CDH18: variants seen among roughly 807,000 people sequenced by gnomAD.
The protein encoded by CDH18 is cadherin-18.
Under a neutral mutation model 67.9 loss-of-function variants are expected in CDH18, and 31 were observed. The observed-to-expected ratio is 0.46, with a 90% CI of 0.34 to 0.62. The LOEUF is 0.62. CDH18 is among the 20% of genes least tolerant of loss of function. CDH18 has a pLI of 0.01. For missense variants in CDH18, 890 were observed against 975.5 expected (o/e 0.91, Z 1.17); for synonymous variants, 362 against 347.2 (o/e 1.04, Z -0.48).
chr5:19,982,926 C>A (rs1799196720), intron 1 of CDH18, among the ~76,000 whole-genome samples: 1 of 150,744 alleles, frequency 6.6e-6, no homozygotes, highest in African/African-American at 2.4e-5. Flanking sequence ...CACCTATAGT[C>A]CCAGATACTT....
intron 1 of CDH18, among the ~76,000 whole-genome samples, chr5:20,326,028 T>C (rs1252341166): frequency 6.6e-6 from 1 of 152,222 alleles, no homozygotes; most frequent in Non-Finnish European, 1.5e-5. Flanking sequence ...TGTTTAAATA[T>C]GCTCAGGCAC....
intron 3 of CDH18, among the ~76,000 whole-genome samples, chr5:19,762,827 A>G (rs1270064603): frequency 6.6e-6 from 1 of 152,216 alleles, no homozygotes; most frequent in Non-Finnish European, 1.5e-5. Flanking sequence ...TATTCACAAT[A>G]GCAAAGACTT....
chr5:19,671,912 C>A (rs189716441), intron 5 of CDH18, among the ~76,000 whole-genome samples: 2 of 152,062 alleles, frequency 1.3e-5, no homozygotes, highest in African/African-American at 4.8e-5. Flanking sequence ...AAGATAGTCA[C>A]CACCAGTGAT....
In CDH18 at chr5:19,880,972, C is replaced by A. The variant is rs148769120; in HGVS notation, c.-256-41730G>T. Among the ~76,000 whole-genome samples the A allele has an allele frequency of 3.4e-3, 515 of 152,210 alleles. 6 individuals carry two copies. The highest frequency in any genetic ancestry group is 0.012 in the African/African-American group (500 of 41,536). ...TGCAAACAATTTCTATTTACTCTTA[C>A]TTAGCATGAAGCCTATAGCCCTGCA... On this transcript the variant is annotated intron_variant, in intron 2 of 12. Transcript: ENST00000382275.
In CDH18 at chr5:19,473,233, G is replaced by T; in HGVS notation, c.2366C>A (p.Thr789Lys). ...ELYGEIESER[T>K]T is the part of the protein sequence containing the mutation. Reference sequence around the variant, plus strand: ...GTTGCAAGAACTGACCCCCTAAGTTGTTCTTTCAGATTCTATTTCTCCATA... The same window carrying T: ...GTTGCAAGAACTGACCCCCTAAGTTTTTCTTTCAGATTCTATTTCTCCATA... The change falls in exon 13 of 13, where the codon ACA becomes AAA. Residue 789 changes from threonine to lysine, a missense_variant. Physicochemically the swap from Thr to Lys is moderately conservative, Grantham distance 78. Transcript: ENST00000382275. The T allele has an allele frequency of 6.2e-7, 1 of 1,612,744 alleles. No individual in the cohort carries two copies. The highest frequency in any genetic ancestry group is 8.5e-7 in the Non-Finnish European group (1 of 1,179,170).
intron 5 of CDH18, among the ~76,000 whole-genome samples, chr5:19,713,636 A>G (rs77715154): frequency 0.044 from 6,655 of 152,178 alleles, 474 homozygotes; most frequent in African/African-American, 0.15. Context: ...TCTGATATCT[A>G]TAGTGTCTGT....
rs144788866 is a variant in CDH18 at position 19,921,260 on chromosome 5, A to G, written c.-257+59800T>C. ...AAAAACAACAAAACAGGCCGGGCAT[A>G]GTGGCTCACACCTGTAATCCCAGCA... On this transcript the variant is annotated intron_variant, in intron 2 of 12. Coordinates refer to ENST00000382275, the MANE Select transcript of CDH18 (RefSeq NM_004934.5). Among the ~76,000 whole-genome samples, 785 of 152,166 alleles carry G rather than the reference A, an allele frequency of 5.2e-3. 2 individuals carry two copies. Among genetic ancestry groups the G allele is most frequent in the Non-Finnish European group, 8.0e-3 (543 of 67,968 alleles).
chr5:19,539,957 C>T (rs1358788323), intron 9 of CDH18, among the ~76,000 whole-genome samples: 2 of 152,100 alleles, frequency 1.3e-5, no homozygotes, highest in Non-Finnish European at 2.9e-5. Flanking sequence ...CATGTCTTCC[C>T]AGCAGTCCTC....
At chr5:20,016,212 C>A (rs1268648552) in intron 2 of CDH18, among the ~76,000 whole-genome samples, 1 of 151,978 alleles carries the variant, frequency 6.6e-6, no homozygotes, top group African/African-American at 2.4e-5. Flanking sequence ...AACCCAGGAA[C>A]AGAGAACCAA....
intron 1 of CDH18, among the ~76,000 whole-genome samples, chr5:20,573,863 A>AATAT (rs1382788371): frequency 1.3e-4 from 3 of 22,346 alleles, no homozygotes; most frequent in South Asian, 7.2e-4. Context: ...ATATAAAAGA[A>AATAT]ATATATATAT....
intron 4 of CDH18, among the ~76,000 whole-genome samples, chr5:19,727,635 C>G (rs193110133): frequency 6.6e-6 from 1 of 152,078 alleles, no homozygotes; most frequent in Admixed American, 6.6e-5. Context: ...ATATGGTGTG[C>G]TAGAGTTTCA....
intron 1 of CDH18, among the ~76,000 whole-genome samples, chr5:20,424,320 G>A (rs577580980): frequency 3.3e-5 from 5 of 151,034 alleles, no homozygotes; most frequent in East Asian, 1.9e-4. Context: ...CACACAGGCC[G>A]TATGTTTTTT....
At chr5:20,318,791 G>A (rs1345006148) in intron 1 of CDH18, among the ~76,000 whole-genome samples, 1 of 151,990 alleles carries the variant, frequency 6.6e-6, no homozygotes, top group Non-Finnish European at 1.5e-5. Flanking sequence ...AAGTTCTAGG[G>A]TACATATGCA....
At chr5:19,836,897 T>C (rs1053056186) in intron 3 of CDH18, among the ~76,000 whole-genome samples, 6 of 152,048 alleles carry the variant, frequency 3.9e-5, no homozygotes, top group African/African-American at 1.4e-4. Context: ...GACCCAGCAA[T>C]CCCATTACTG....
At chr5:19,960,625 A>ACAC (rs1348592457) in intron 2 of CDH18, among the ~76,000 whole-genome samples, 9 of 133,372 alleles carry the variant, frequency 6.7e-5, no homozygotes, top group African/African-American at 2.4e-4. Context: ...ATATATATAC[A>ACAC]CGTGTATATG....
In CDH18 at chr5:19,936,190, C is replaced by A. The variant is rs191862667; in HGVS notation, c.-257+44870G>T. The stretch of plus-strand genomic sequence containing the variant: ...CCAATGTATTTTAAAATGTGTTTTT[C>A]TGAGTCATTTGTTGCCTTGTTACTT... On this transcript the variant is annotated intron_variant, in intron 2 of 12. Coordinates refer to ENST00000382275, the MANE Select transcript of CDH18 (RefSeq NM_004934.5). Among the ~76,000 whole-genome samples the A allele has an allele frequency of 4.6e-5, 7 of 151,336 alleles. No homozygotes were observed. In the Admixed American group the frequency reaches 4.6e-4, roughly 10 times the overall value.
At chr5:19,762,219 AACAAAAG>A (rs1772454582) in intron 3 of CDH18, among the ~76,000 whole-genome samples, 1 of 152,210 alleles carries the variant, frequency 6.6e-6, no homozygotes, top group African/African-American at 2.4e-5. Flanking sequence ...AAGCAATGGC[AACAAAAG>A]ACAAAATAGA....
At chr5:19,845,853 A>AATAT (rs34342467) in intron 2 of CDH18, among the ~76,000 whole-genome samples, 73,170 of 150,978 alleles carry the variant, frequency 0.48, 17,829 homozygotes, top group Middle Eastern at 0.62. Context: ...ATTTGCATGG[A>AATAT]ATATATATAT....
At chr5:19,986,359 T>C (rs1799563502) in intron 1 of CDH18, among the ~76,000 whole-genome samples, 2 of 152,222 alleles carry the variant, frequency 1.3e-5, no homozygotes, top group Admixed American at 6.5e-5. Context: ...CCTTCTACTA[T>C]TATATTCTCC....
Sources: allele counts gnomAD v4.1 joint callset (sites outside exome capture counted in the v4.1 genomes callset), GRCh38; gene constraint gnomAD v4.1.1; transcripts MANE v1.5; gene names NCBI Gene and HGNC (gene_info 2026-07-23, HGNC 2026-07-21).